AK9: variants seen among roughly 807,000 people sequenced by gnomAD.
AK9 encodes adenylate kinase domain containing 1.
AK9 carries 191 observed loss-of-function variants against 239.6 expected under a neutral mutation model. The observed-to-expected ratio is 0.80, with a 90% confidence interval of 0.71 to 0.90. The LOEUF is 0.90. AK9 is among the 40% of genes least tolerant of loss of function. The probability of loss-of-function intolerance (pLI) is 0.00; values close to 1 mark genes in which losing one functional copy is unlikely to be tolerated. For missense variants in AK9, 1,995 were observed against 2,214.7 expected, an observed-to-expected ratio of 0.90 and a Z score of 1.99; for synonymous variants, 689 against 721.0, an observed-to-expected ratio of 0.96 and a Z score of 0.71.
chr6:109,499,855 C>T (rs1366016721), intron 35 of AK9, among the ~76,000 whole-genome samples: 4 of 152,174 alleles, frequency 2.6e-5, no homozygotes, highest in Admixed American at 2.6e-4. Context: ...CCACCTCGGC[C>T]TCCCAAAGTG....
At chr6:109,534,875 G>T (rs539491448) in intron 27 of AK9, among the ~76,000 whole-genome samples, 5 of 151,908 alleles carry the variant, frequency 3.3e-5, no homozygotes, top group Non-Finnish European at 7.4e-5. Flanking sequence ...TTGTCCTCAC[G>T]ATAGTTTGCT....
intron 28 of AK9, 100 bp downstream of exon 28, chr6:109,533,151 T>A (rs1180084745): frequency 1.1e-6 from 1 of 872,564 alleles, no homozygotes; most frequent in African/African-American, 1.7e-5. Flanking sequence ...ACTGTGGTAT[T>A]AAAATTAGAA....
At chr6:109,619,984 T>C (rs116469759) in intron 12 of AK9, among the ~76,000 whole-genome samples, 2,237 of 152,320 alleles carry the variant, frequency 0.015, 58 homozygotes, top group African/African-American at 0.051. Flanking sequence ...ATCAGTGTTA[T>C]TGTGGGTATC....
intron 27 of AK9, among the ~76,000 whole-genome samples, chr6:109,535,628 T>G (rs534865595): frequency 1.5e-4 from 23 of 152,334 alleles, no homozygotes; most frequent in African/African-American, 2.6e-4. Flanking sequence ...CATTTGTCAA[T>G]TTTGGCTTTT....
chr6:109,602,516 T>C (rs1288126079), intron 17 of AK9, among the ~76,000 whole-genome samples: 1 of 152,194 alleles, frequency 6.6e-6, no homozygotes, highest in Non-Finnish European at 1.5e-5. Flanking sequence ...ATTTTTTCCT[T>C]CATTTCAACT....
Position 109,517,415 on chromosome 6 carries a change from T to C in AK9, c.3634-773A>G, listed in dbSNP as rs146006209. ...AAATATTAAATGTTATTTATGTCTA[T>C]GATTGTCAAAATGTTACATGTTTTT... On this transcript the variant is annotated intron_variant, in intron 29 of 40. Transcript: ENST00000424296. 8.0e-3 allele frequency among the ~76,000 whole-genome samples: 1,221 copies of C among 152,334 alleles called. 26 individuals carry two copies. Among genetic ancestry groups the C allele is most frequent in the African/African-American group, 0.028 (1,169 of 41,576 alleles).
chr6:109,621,723 C>A (rs1794831177), intron 12 of AK9, among the ~76,000 whole-genome samples: 1 of 129,462 alleles, frequency 7.7e-6, no homozygotes, highest in Non-Finnish European at 1.6e-5. Context: ...AGGGGAATAT[C>A]ACACTCTGGG....
intron 1 of AK9, among the ~76,000 whole-genome samples, chr6:109,688,033 T>A (rs1773768142): frequency 6.6e-6 from 1 of 152,138 alleles, no homozygotes; most frequent in Non-Finnish European, 1.5e-5. Context: ...GTGGCAGGGA[T>A]GAAGGTGATG....
chr6:109,618,303 T>G (rs957569684), intron 13 of AK9, among the ~76,000 whole-genome samples: 1 of 152,120 alleles, frequency 6.6e-6, no homozygotes, highest in Non-Finnish European at 1.5e-5. Flanking sequence ...ATTAAGCTAC[T>G]TTCATGTGTT....
intron 19 of AK9, among the ~76,000 whole-genome samples, chr6:109,583,515 C>G (rs750541547): frequency 3.3e-5 from 5 of 152,010 alleles, no homozygotes; most frequent in Non-Finnish European, 7.4e-5. Flanking sequence ...TAAAAACCAT[C>G]TTAAATTTTA....
At position 109,533,477 on chromosome 6, in the gene AK9, G is replaced by A. The variant is rs1360561614; in HGVS notation, c.3351-7C>T. ...TAATATAAAACCTGTGGAACTGGTG[G>A]AAATTTTCATAATTTACTTTATTTC... On this transcript the variant is annotated splice_polypyrimidine_tract_variant and splice_region_variant and intron_variant, in intron 27 of 40. Coordinates refer to ENST00000424296, the MANE Select transcript of AK9 (RefSeq NM_001145128.3). 1.9e-6 allele frequency: 3 copies of A among 1,560,842 alleles called. No individual in the cohort carries two copies. In the African/African-American group the frequency reaches 4.2e-5, roughly 22 times the overall value.
At chr6:109,514,162 G>A (rs1719059682) in intron 32 of AK9, 62 bp downstream of exon 32, 16 of 1,433,260 alleles carry the variant, frequency 1.1e-5, no homozygotes, top group Non-Finnish European at 1.5e-5. Context: ...GACCTGCCAT[G>A]TGCATTGGGT....
chr6:109,497,647 T>G, intron 37 of AK9, 84 bp from the exon 38 acceptor site: 3 of 1,341,122 alleles, frequency 2.2e-6, no homozygotes, highest in Non-Finnish European at 3.1e-6. Context: ...AAGTATTTTA[T>G]TTTTCTACCT....
intron 24 of AK9, 25 bp downstream of exon 24, chr6:109,563,572 A>G: frequency 3.2e-6 from 5 of 1,547,774 alleles, no homozygotes; most frequent in Non-Finnish European, 4.4e-6. Flanking sequence ...ACAAATGAGA[A>G]TGAGTAGAAA....
At chr6:109,567,573 G>A (rs1786746017) in intron 21 of AK9, among the ~76,000 whole-genome samples, 1 of 151,668 alleles carries the variant, frequency 6.6e-6, no homozygotes, top group South Asian at 2.1e-4. Context: ...CTGAGTTCAC[G>A]TCCTTTGTAG....
intron 35 of AK9, among the ~76,000 whole-genome samples, chr6:109,499,568 T>C (rs533449931): frequency 4.4e-4 from 67 of 152,294 alleles, no homozygotes; most frequent in African/African-American, 1.4e-3. Flanking sequence ...AGTTATGGTC[T>C]TTGACCTCTT....
chr6:109,687,780 C>T (rs1773725836), intron 1 of AK9, among the ~76,000 whole-genome samples: 2 of 152,300 alleles, frequency 1.3e-5, no homozygotes, highest in South Asian at 4.1e-4. Context: ...CCATGGAAAC[C>T]GTGCGATCAC....
chr6:109,666,788 T>C (rs568299757), intron 5 of AK9, among the ~76,000 whole-genome samples: 6 of 152,254 alleles, frequency 3.9e-5, no homozygotes, highest in Non-Finnish European at 8.8e-5. Flanking sequence ...ATCTGACCTC[T>C]GGCCAGGCTG....
At chr6:109,685,966 A>G (rs966351144) in intron 1 of AK9, among the ~76,000 whole-genome samples, 1 of 152,140 alleles carries the variant, frequency 6.6e-6, no homozygotes, top group Non-Finnish European at 1.5e-5. Context: ...CCCAGTTGCA[A>G]CTGCTGTGCA....
Sources: gnomAD v4.1 joint callset for allele counts (sites outside exome capture counted in the v4.1 genomes callset) on GRCh38, gnomAD v4.1.1 for gene constraint, MANE v1.5 for transcripts, NCBI Gene and HGNC (gene_info 2026-07-23, HGNC 2026-07-21) for gene names.